Variants in ANGPT1 observed in about 807,000 individuals in gnomAD.
ANGPT1 encodes the protein angiopoietin-1.
Under a neutral mutation model 62.2 loss-of-function variants are expected in ANGPT1, and 17 were observed. The ratio of observed to expected loss-of-function variants is 0.27; its 90% confidence interval spans 0.19 to 0.41. ANGPT1 has a LOEUF of 0.41. Ranked by LOEUF, ANGPT1 falls within the 10% of genes least tolerant of loss-of-function variation. The pLI, the probability that ANGPT1 is intolerant of heterozygous loss-of-function variation, is 1.00. For synonymous variants in ANGPT1, 199 were observed against 198.9 expected, an observed-to-expected ratio of 1.00 and a Z score of 0.00; for missense variants, 478 against 594.9, an observed-to-expected ratio of 0.80 and a Z score of 2.04.
intron 8 of ANGPT1, among the ~76,000 whole-genome samples, chr8:107,256,514 T>C (rs150351268): frequency 1.1e-4 from 16 of 152,318 alleles, no homozygotes; most frequent in South Asian, 2.1e-4. Context: ...CAGGTGATCA[T>C]AGATACTCAG....
chr8:107,497,621 A>G lies in ANGPT1; in HGVS notation c.-63T>C. On this transcript the variant is annotated 5_prime_UTR_variant, in exon 1 of 9. Coordinates refer to ENST00000517746, the MANE Select transcript of ANGPT1 (RefSeq NM_001146.5). ...ACTTGCTCCTTTCTTCTGACCTCTA[A>G]AACTAGTTCTTTATTTCAGGTAAAA... is the stretch of plus-strand genomic sequence containing the variant. The G allele has an allele frequency of 6.7e-7, 1 of 1,496,638 alleles. No individual in the cohort carries two copies. The highest frequency in any genetic ancestry group is 9.0e-7 in the Non-Finnish European group (1 of 1,111,882). 92.7% of individuals were successfully genotyped at this position (1,496,638 alleles called of 1,614,324 possible). A position where few individuals can be genotyped will look rare whatever the true frequency, so the allele number is the denominator to read the frequency against.
chr8:107,386,851 T>C (rs1276820610), intron 1 of ANGPT1, among the ~76,000 whole-genome samples: 1 of 152,090 alleles, frequency 6.6e-6, no homozygotes, highest in Non-Finnish European at 1.5e-5. Flanking sequence ...TCTGACAGAC[T>C]ACAGGGTATT....
intron 4 of ANGPT1, among the ~76,000 whole-genome samples, chr8:107,313,357 G>C (rs1444469753): frequency 7.3e-6 from 1 of 137,746 alleles, no homozygotes; most frequent in Non-Finnish European, 1.5e-5. Flanking sequence ...CTTAAAGTTA[G>C]TTTTCATGTT....
chr8:107,349,079 G>A (rs1815873312), intron 1 of ANGPT1, among the ~76,000 whole-genome samples: 1 of 151,826 alleles, frequency 6.6e-6, no homozygotes, highest in Non-Finnish European at 1.5e-5. Flanking sequence ...ACCAGAGTCA[G>A]CCCAAAAATG....
At chr8:107,452,567 T>C (rs1811806249) in intron 1 of ANGPT1, among the ~76,000 whole-genome samples, 1 of 151,978 alleles carries the variant, frequency 6.6e-6, no homozygotes, top group Admixed American at 6.6e-5. Context: ...AATCAATATA[T>C]TTTATAAATT....
At chr8:107,335,732 G>A (rs184021995) in intron 3 of ANGPT1, among the ~76,000 whole-genome samples, 84 of 152,142 alleles carry the variant, frequency 5.5e-4, no homozygotes, top group African/African-American at 1.8e-3. Context: ...ATTCAAAAAC[G>A]CTGTAGCTTT....
In ANGPT1 at chr8:107,403,543, G is replaced by A. The variant is rs926401155; in HGVS notation, c.298-56446C>T. The stretch of plus-strand genomic sequence containing the variant: ...GCTGATATCATCAATGATGATAAGG[G>A]TAAAGGGAGTATCACATGAAAAAAA... On this transcript the variant is annotated intron_variant, in intron 1 of 8. Coordinates refer to ENST00000517746, the MANE Select transcript of ANGPT1 (RefSeq NM_001146.5). Among the ~76,000 whole-genome samples, 5 of 152,096 alleles carry A rather than the reference G, an allele frequency of 3.3e-5. 1 individual carries two copies. The South Asian group carries it at 8.3e-4, about 25-fold the overall frequency.
intron 4 of ANGPT1, among the ~76,000 whole-genome samples, chr8:107,314,460 A>G (rs1016354261): frequency 1.3e-5 from 2 of 152,094 alleles, no homozygotes; most frequent in African/African-American, 4.8e-5. Context: ...TAATTTGGCT[A>G]TCCACTATTC....
chr8:107,378,911 A>AATATAT (rs139171299), intron 1 of ANGPT1, among the ~76,000 whole-genome samples: 77 of 143,606 alleles, frequency 5.4e-4, no homozygotes, highest in African/African-American at 1.5e-3. Context: ...AAAATGAACA[A>AATATAT]ATATATATAT....
At chr8:107,311,519 A>G (rs1365058134) in intron 4 of ANGPT1, among the ~76,000 whole-genome samples, 1 of 152,180 alleles carries the variant, frequency 6.6e-6, no homozygotes, top group African/African-American at 2.4e-5. Context: ...AATTTTCAAT[A>G]ATACTACGAT....
intron 1 of ANGPT1, among the ~76,000 whole-genome samples, chr8:107,438,530 G>A (rs184943350): frequency 3.9e-5 from 6 of 152,072 alleles, no homozygotes; most frequent in East Asian, 1.9e-4. Context: ...TTCTAAACAC[G>A]GAAACTGAAG....
chr8:107,425,356 C>A (rs1811013022), intron 1 of ANGPT1, among the ~76,000 whole-genome samples: 1 of 152,092 alleles, frequency 6.6e-6, no homozygotes, highest in South Asian at 2.1e-4. Flanking sequence ...TTAATACAGA[C>A]AACCCTGGGC....
intron 1 of ANGPT1, among the ~76,000 whole-genome samples, chr8:107,470,896 A>G (rs569211464): frequency 3.9e-5 from 6 of 152,308 alleles, no homozygotes; most frequent in Non-Finnish European, 8.8e-5. Flanking sequence ...TCAGGAAACA[A>G]CAGATGCTGG....
At chr8:107,396,122 T>C (rs1382798148) in intron 1 of ANGPT1, among the ~76,000 whole-genome samples, 1 of 152,216 alleles carries the variant, frequency 6.6e-6, no homozygotes, top group Non-Finnish European at 1.5e-5. Context: ...AGAGCTAATA[T>C]ATAATGATAA....
intron 1 of ANGPT1, among the ~76,000 whole-genome samples, chr8:107,408,325 G>C (rs906120541): frequency 6.6e-6 from 1 of 152,094 alleles, no homozygotes; most frequent in East Asian, 1.9e-4. Flanking sequence ...GTTCAAGAAG[G>C]CTCTTTGGTT....
Position 107,307,564 on chromosome 8 carries a change from C to T in ANGPT1, c.809-4197G>A, listed in dbSNP as rs73701081. Among the ~76,000 whole-genome samples the T allele has an allele frequency of 9.4e-3, 1,428 of 152,026 alleles. 22 individuals are homozygous for T. The highest frequency in any genetic ancestry group is 0.033 in the African/African-American group (1,361 of 41,466). On this transcript the variant is annotated intron_variant, in intron 4 of 8. Coordinates refer to ENST00000517746, the MANE Select transcript of ANGPT1 (RefSeq NM_001146.5). ...CTCTACCCTATAGAAGTTGTCTTTG[C>T]CTATCTTTCCCCTCGCGTTTTTTGT...
chr8:107,404,831 T>C (rs955144127), intron 1 of ANGPT1, among the ~76,000 whole-genome samples: 22 of 152,216 alleles, frequency 1.4e-4, no homozygotes, highest in Middle Eastern at 6.8e-3. Context: ...TGAAGAGGAC[T>C]GTTCTTTCTA....
intron 1 of ANGPT1, among the ~76,000 whole-genome samples, chr8:107,464,789 G>A (rs1368509150): frequency 1.3e-5 from 2 of 152,034 alleles, no homozygotes; most frequent in East Asian, 1.9e-4. Context: ...ATAAGTATTC[G>A]ATAAATTCTA....
At position 107,251,049 on chromosome 8, in the gene ANGPT1, A is replaced by G. The variant is rs1363071876; in HGVS notation, c.*806T>C. On this transcript the variant is annotated 3_prime_UTR_variant, in exon 9 of 9. Transcript: ENST00000517746. ...TTACTCAGGCTATAAATATATTTAT[A>G]TATCATTCAATCAGTTTTTAGAGTA... 1 of 152,156 alleles carries G rather than the reference A, an allele frequency of 6.6e-6. No homozygotes were observed. The highest frequency in any genetic ancestry group is 1.5e-5 in the Non-Finnish European group (1 of 68,010). 9.4% of individuals were successfully genotyped at this position (152,156 alleles called of 1,614,324 possible).
Sources: allele counts gnomAD v4.1 joint callset (sites outside exome capture counted in the v4.1 genomes callset), GRCh38; gene constraint gnomAD v4.1.1; transcripts MANE v1.5; gene names NCBI Gene and HGNC (gene_info 2026-07-23, HGNC 2026-07-21).